The following PCDHA6 variants were observed in gnomAD, a reference collection of about 807,000 sequenced individuals.
PCDHA6 encodes protocadherin alpha-6.
In PCDHA6, 55 loss-of-function variants were observed where a neutral mutation model predicts 60.3. That is an observed-to-expected ratio of 0.91 (90% CI 0.73 to 1.14). PCDHA6 has a LOEUF of 1.14. Among genes scored for constraint, PCDHA6 ranks in the 50% most tolerant of loss-of-function variants. The pLI is 0.00. For synonymous variants in PCDHA6, 652 were observed against 557.9 expected (o/e 1.17, Z -2.38); for missense variants, 1,327 against 1,256.5 (o/e 1.06, Z -0.85).
At chr5:140,966,063 C>T (rs2095963895) in intron 1 of PCDHA6, 1 of 153,130 alleles carries the variant, frequency 6.5e-6, no homozygotes, top group African/African-American at 2.4e-5. Flanking sequence ...CAGAGCGCCT[C>T]CCCCTGCGTT....
chr5:140,942,545 G>T (rs981508818), intron 1 of PCDHA6, among the ~76,000 whole-genome samples: 1 of 151,970 alleles, frequency 6.6e-6, no homozygotes, highest in Non-Finnish European at 1.5e-5. Flanking sequence ...ATGGTGGGGG[G>T]TAGGGGGTTG....
At position 140,855,877 on chromosome 5, in the gene PCDHA6, C is replaced by A. The variant is rs577890350; in HGVS notation, c.2394+25392C>A. ...GATGTCGCTGTCGTCCACAAAATAG[C>A]TTTTTAGAACAAAGGCATCAGCCAG... is the stretch of plus-strand genomic sequence containing the variant. On this transcript the variant is annotated intron_variant, in intron 1 of 3. Coordinates refer to ENST00000529310, the MANE Select transcript of PCDHA6 (RefSeq NM_018909.4). 6.7e-6 allele frequency: 6 copies of A among 896,996 alleles called. 1 individual carries two copies. Among genetic ancestry groups the A allele is most frequent in the Non-Finnish European group, 9.9e-6 (6 of 604,068 alleles). 55.6% of individuals were successfully genotyped at this position (896,996 alleles called of 1,614,324 possible).
chr5:140,974,709 C>T (rs1385583490), intron 1 of PCDHA6, among the ~76,000 whole-genome samples: 1 of 152,092 alleles, frequency 6.6e-6, no homozygotes, highest in Non-Finnish European at 1.5e-5. Flanking sequence ...CCATGTTGTT[C>T]AAGCTGCTCT....
rs373157192 is a variant in PCDHA6, at chr5:140,869,487, C to G, written c.2394+39002C>G. On this transcript the variant is annotated intron_variant, in intron 1 of 3. Transcript: ENST00000529310. ...ACGTGGAGGTGAAGGACATTAACGA[C>G]AACCCGCCGGTGTTCTCGCTCAGAG... The G allele has an allele frequency of 3.1e-6, 5 of 1,614,180 alleles. No homozygotes were observed. The South Asian group carries it at 5.5e-5, about 18-fold the overall frequency.
At chr5:140,869,203 TC>T in intron 1 of PCDHA6, 30 of 1,614,000 alleles carry the variant, frequency 1.9e-5, no homozygotes, top group Non-Finnish European at 2.5e-5. Flanking sequence ...GCTCCACTAC[TC>T]CGTCTCGGAG....
chr5:140,913,489 G>C (rs1428566821), intron 1 of PCDHA6, among the ~76,000 whole-genome samples: 1 of 151,754 alleles, frequency 6.6e-6, no homozygotes, highest in Non-Finnish European at 1.5e-5. Context: ...TTCTTCATTA[G>C]TCTGTTTAAA....
intron 3 of PCDHA6, among the ~76,000 whole-genome samples, chr5:140,982,785 G>A (rs1037904724): frequency 2.0e-5 from 3 of 151,236 alleles, no homozygotes; most frequent in African/African-American, 4.9e-5. Flanking sequence ...GTGTGTGCAC[G>A]CATGTGTGCA....
chr5:140,993,853 A>G (rs1423193144), intron 3 of PCDHA6, among the ~76,000 whole-genome samples: 5 of 152,198 alleles, frequency 3.3e-5, no homozygotes, highest in African/African-American at 7.2e-5. Context: ...GTAGTAGGCT[A>G]TGCCATCTAG....
intron 1 of PCDHA6, among the ~76,000 whole-genome samples, chr5:140,892,776 T>C (rs2063665865): frequency 6.6e-6 from 1 of 152,224 alleles, no homozygotes; most frequent in East Asian, 1.9e-4. Flanking sequence ...TTCTAGCTTC[T>C]TGAAAATATG....
At chr5:140,854,020 G>A (rs1303462522) in intron 1 of PCDHA6, 3 of 327,902 alleles carry the variant, frequency 9.1e-6, no homozygotes, top group East Asian at 1.7e-4. Context: ...AAATTAGCCG[G>A]GCATGGTGGC....
rs782772973 is a variant in PCDHA6, at chr5:140,855,915, T to C, written c.2394+25430T>C. 2.5e-5 allele frequency: 30 copies of C among 1,191,312 alleles called. 2 individuals are homozygous for C. Among genetic ancestry groups the C allele is most frequent in the Non-Finnish European group, 3.1e-5 (26 of 850,126 alleles). 73.8% of individuals were successfully genotyped at this position (1,191,312 alleles called of 1,614,324 possible). A position where few individuals can be genotyped will look rare whatever the true frequency, so the allele number is the denominator to read the frequency against. On this transcript the variant is annotated intron_variant, in intron 1 of 3. Coordinates refer to ENST00000529310, the MANE Select transcript of PCDHA6 (RefSeq NM_018909.4). The stretch of plus-strand genomic sequence containing the variant: ...AGGCATCAGCCAGTTTCTCAAGGAC[T>C]AGGAAGTAGCGTCATTCTGAGATCT...
At position 140,998,569 on chromosome 5, in the gene PCDHA6, G is replaced by GTTT. The variant is rs71574497; in HGVS notation, c.2543-11048_2543-11046dup. ...TTAATGTCTAATTTATTGTAAATAA[G>GTTT]TTTTTTTTTTTTGAGACAGAGTTTT... On this transcript the variant is annotated intron_variant, in intron 3 of 3. Transcript: ENST00000529310. Among the ~76,000 whole-genome samples, 105 of 149,398 alleles carry GTTT rather than the reference G, an allele frequency of 7.0e-4. 1 individual carries two copies. Among genetic ancestry groups the GTTT allele is most frequent in the Middle Eastern group, 3.4e-3 (1 of 292 alleles).
At chr5:140,968,660 C>T in intron 1 of PCDHA6, 1 of 1,614,166 alleles carries the variant, frequency 6.2e-7, no homozygotes, top group Non-Finnish European at 8.5e-7. Flanking sequence ...TGACCTGGAC[C>T]TCTTTAAGGT....
At position 140,879,168 on chromosome 5, in the gene PCDHA6, A is replaced by G. The variant is rs2057882676; in HGVS notation, c.2394+48683A>G. Among the ~76,000 whole-genome samples, 5 of 152,334 alleles carry G rather than the reference A, an allele frequency of 3.3e-5. 1 individual carries two copies. Among genetic ancestry groups the G allele is most frequent in the Admixed American group, 6.5e-5 (1 of 15,308 alleles). On this transcript the variant is annotated intron_variant, in intron 1 of 3. Coordinates refer to ENST00000529310, the MANE Select transcript of PCDHA6 (RefSeq NM_018909.4). ...AGGAAAGCTATTTCTTTTTTAATAAATTAGGTATCAAGTAATGGAGACTTA... is the reference window on the plus strand; with the variant it reads ...AGGAAAGCTATTTCTTTTTTAATAAGTTAGGTATCAAGTAATGGAGACTTA...
At chr5:140,982,807 G>A (rs2097006971) in intron 3 of PCDHA6, among the ~76,000 whole-genome samples, 2 of 152,048 alleles carry the variant, frequency 1.3e-5, no homozygotes, top group South Asian at 4.1e-4. Flanking sequence ...GTGTGTGTGT[G>A]TGTATGAAGT....
chr5:140,866,519 A>G (rs940195026), intron 1 of PCDHA6: 8 of 152,312 alleles, frequency 5.3e-5, no homozygotes, highest in African/African-American at 1.9e-4. Context: ...TGACTAAGCC[A>G]TGATAGAGCA....
chr5:140,950,110 C>A (rs542585854), intron 1 of PCDHA6, among the ~76,000 whole-genome samples: 23 of 151,848 alleles, frequency 1.5e-4, no homozygotes, highest in African/African-American at 5.5e-4. Context: ...AAATCTCATA[C>A]AATACAAAAC....
intron 1 of PCDHA6, chr5:140,841,535 C>CG: frequency 6.2e-7 from 1 of 1,613,664 alleles, no homozygotes; most frequent in Non-Finnish European, 8.5e-7. Context: ...CAAAAGACAC[C>CG]GGGACCTTCT....
chr5:140,877,917 T>G (rs2057395668), intron 1 of PCDHA6: 2 of 1,427,712 alleles, frequency 1.4e-6, no homozygotes, highest in Admixed American at 2.9e-5. Context: ...TTCTCTCATT[T>G]TTCTTTATGA....
Sources: allele counts gnomAD v4.1 joint callset (sites outside exome capture counted in the v4.1 genomes callset), GRCh38; gene constraint gnomAD v4.1.1; transcripts MANE v1.5; gene names NCBI Gene and HGNC (gene_info 2026-07-23, HGNC 2026-07-21).